The following RNF149 variants were observed in gnomAD, a reference collection of about 807,000 sequenced individuals.
RNF149 encodes the protein E3 ubiquitin-protein ligase RNF149.
Under a neutral mutation model 39.0 loss-of-function variants are expected in RNF149, and 21 were observed. The ratio of observed to expected loss-of-function variants is 0.54; its 90% CI spans 0.38 to 0.77. RNF149 has a LOEUF of 0.77. Among genes scored for constraint, RNF149 ranks in the 30% least tolerant of loss-of-function variants. The pLI, the probability that RNF149 is intolerant of heterozygous loss-of-function variation, is 0.00. For synonymous variants in RNF149, 209 were observed against 213.6 expected, an observed-to-expected ratio of 0.98 and a Z score of 0.19; for missense variants, 493 against 534.9, an observed-to-expected ratio of 0.92 and a Z score of 0.77.
At position 101,307,827 on chromosome 2, in the gene RNF149, T is replaced by C. The variant is rs75565834; in HGVS notation, c.460+302A>G. The C allele has an allele frequency of 2.9e-4, 286 of 980,416 alleles. 1 individual carries two copies. In the African/African-American group the frequency reaches 4.7e-3, roughly 16 times the overall value. The allele number at this position is 980,416 out of a possible 1,614,324, so 60.7% of individuals were successfully genotyped here. On this transcript the variant is annotated intron_variant, in intron 1 of 6. Transcript: ENST00000295317. Reference sequence around the variant, plus strand: ...AAAAGAGGCCCATGATTAGGAATCATGAGATTTCCTCACCTGTTAGAACCA... The same window carrying C: ...AAAAGAGGCCCATGATTAGGAATCACGAGATTTCCTCACCTGTTAGAACCA...
chr2:101,308,559 G>A lies in RNF149; in HGVS notation c.30C>T (p.Val10=), dbSNP rs1294869745. The part of the protein sequence containing the change: MAWRRREAS[V]GARGVLALAL... The stretch of plus-strand genomic sequence containing the variant: ...CCAGAGCCAACACGCCGCGAGCCCC[G>A]ACGCTGGCTTCGCGCCGCCGCCACG... Residue 10 remains valine, a synonymous_variant, in exon 1 of 7, where the codon GTC becomes GTT. Transcript: ENST00000295317. 5 of 1,583,476 alleles carry A rather than the reference G, an allele frequency of 3.2e-6. No homozygotes were observed. The highest frequency in any genetic ancestry group is 1.4e-5 in the African/African-American group (1 of 72,526).
At chr2:101,301,798 TTCTGGATGACATGAG>T (rs1219883857) in intron 1 of RNF149, among the ~76,000 whole-genome samples, 4 of 152,254 alleles carry the variant, frequency 2.6e-5, no homozygotes, top group Non-Finnish European at 5.9e-5. Flanking sequence ...TTTAAAATTC[TTCTGGATGACATGAG>T]TCTAGTGTAC....
At chr2:101,273,683 G>A (rs115889826), downstream of RNF149, among the ~76,000 whole-genome samples, 5 of 151,698 alleles carry the variant, frequency 3.3e-5, no homozygotes, top group African/African-American at 1.2e-4. Context: ...TTGTTGCCTA[G>A]GCTAGTCTTG....
intron 3 of RNF149, among the ~76,000 whole-genome samples, chr2:101,289,982 C>T (rs1346555976): frequency 6.6e-6 from 1 of 152,064 alleles, no homozygotes; most frequent in East Asian, 1.9e-4. Flanking sequence ...GAGATCGAGA[C>T]CATCCTGGCC....
chr2:101,298,077 C>G (rs890723360), intron 1 of RNF149, among the ~76,000 whole-genome samples: 2 of 152,168 alleles, frequency 1.3e-5, no homozygotes, highest in Non-Finnish European at 2.9e-5. Context: ...ATCTCTTTGG[C>G]CCAGCAATTC....
At chr2:101,287,968 A>G (rs1682858715) in intron 4 of RNF149, among the ~76,000 whole-genome samples, 1 of 152,138 alleles carries the variant, frequency 6.6e-6, no homozygotes, top group Non-Finnish European at 1.5e-5. Flanking sequence ...TTAGCAAAGC[A>G]ATTCTTTTAA....
At chr2:101,286,224 A>G in intron 4 of RNF149, 47 bp from the exon 5 acceptor site, 1 of 1,122,526 alleles carries the variant, frequency 8.9e-7, no homozygotes, top group Non-Finnish European at 1.3e-6. Context: ...CAATGTTTAT[A>G]TAACTTATAA....
intron 3 of RNF149, 115 bp from the exon 4 acceptor site, chr2:101,289,170 G>T: frequency 1.6e-6 from 1 of 616,398 alleles, no homozygotes; most frequent in Non-Finnish European, 2.9e-6. Flanking sequence ...TGGTACAACC[G>T]GTGAAATTAA....
chr2:101,304,303 G>A (rs138881716), intron 1 of RNF149, among the ~76,000 whole-genome samples: 199 of 152,258 alleles, frequency 1.3e-3, no homozygotes, highest in African/African-American at 4.6e-3. Context: ...AGGCTGAGGT[G>A]AGAGGATCAC....
chr2:101,294,285 AC>A (rs1320193133), intron 2 of RNF149: 1 of 448,632 alleles, frequency 2.2e-6, no homozygotes, highest in East Asian at 3.9e-5. Flanking sequence ...CCCCCTAACA[AC>A]AAAAGCCATT....
At position 101,281,889 on chromosome 2, in the gene RNF149, C is replaced by T; in HGVS notation, c.1129G>A (p.Gly377Arg). ...AATGCCGTATTTTCTCCTGCATCTC[C>T]TTTAAAGCTGGGATCACACTGTGGC... Reference protein sequence around the residue: ...SEPQCDPSFKGDAGENTALLE... With the variant: ...SEPQCDPSFKRDAGENTALLE... The change falls in exon 6 of 7, where the codon GGA becomes AGA. Residue 377 changes from glycine to arginine, a missense_variant. Gly to Arg is a moderately radical substitution (Grantham distance 125). Transcript: ENST00000295317. The T allele has an allele frequency of 6.2e-7, 1 of 1,614,106 alleles. No homozygotes were observed. The highest frequency in any genetic ancestry group is 8.5e-7 in the Non-Finnish European group (1 of 1,180,026).
intron 1 of RNF149, among the ~76,000 whole-genome samples, chr2:101,301,027 C>G (rs1257457296): frequency 6.6e-6 from 1 of 152,178 alleles, no homozygotes; most frequent in Non-Finnish European, 1.5e-5. Flanking sequence ...CAGCTTATTT[C>G]CAAACTAAAT....
intron 1 of RNF149, among the ~76,000 whole-genome samples, chr2:101,301,121 T>C (rs1340819233): frequency 6.6e-6 from 1 of 152,190 alleles, no homozygotes; most frequent in African/African-American, 2.4e-5. Context: ...TCCTTAGGCC[T>C]TAACGTTGTT....
In RNF149 at chr2:101,308,662, G is replaced by C; in HGVS notation, c.-74C>G. The C allele has an allele frequency of 7.5e-7, 1 of 1,325,116 alleles. No homozygotes were observed. The highest frequency in any genetic ancestry group is 9.9e-7 in the Non-Finnish European group (1 of 1,012,038). 82.1% of individuals were successfully genotyped at this position (1,325,116 alleles called of 1,614,324 possible). On this transcript the variant is annotated 5_prime_UTR_variant, in exon 1 of 7. Coordinates refer to ENST00000295317, the MANE Select transcript of RNF149 (RefSeq NM_173647.4). The stretch of plus-strand genomic sequence containing the variant: ...CGGTGCAGTCGAAGAGCAGAGAGAA[G>C]CGGACACCCACCGCCGCCCTGGAAG...
intron 5 of RNF149, among the ~76,000 whole-genome samples, chr2:101,285,185 A>G (rs537167747): frequency 6.6e-6 from 1 of 152,330 alleles, no homozygotes; most frequent in Admixed American, 6.5e-5. Context: ...GGTATGAGCC[A>G]CCAAGTCCAG....
chr2:101,304,674 G>T (rs1427994306), intron 1 of RNF149, among the ~76,000 whole-genome samples: 1 of 152,032 alleles, frequency 6.6e-6, no homozygotes, highest in East Asian at 1.9e-4. Context: ...AGTCCTTACA[G>T]TTGTTCAGAC....
downstream of RNF149, among the ~76,000 whole-genome samples, chr2:101,273,785 A>C (rs1682228790): frequency 6.6e-6 from 1 of 151,924 alleles, no homozygotes; most frequent in Admixed American, 6.6e-5. Flanking sequence ...TCACTTCTTT[A>C]TCATGTTAAT....
chr2:101,300,174 G>A (rs890023143), intron 1 of RNF149, among the ~76,000 whole-genome samples: 3 of 152,136 alleles, frequency 2.0e-5, no homozygotes, highest in African/African-American at 4.8e-5. Flanking sequence ...ACATCTCAAA[G>A]GAGACAAAAA....
intron 5 of RNF149, 76 bp downstream of exon 5, chr2:101,286,005 T>C (rs1682778948): frequency 1.2e-6 from 1 of 844,450 alleles, no homozygotes; most frequent in Admixed American, 2.1e-5. Context: ...TTCCTCTTGT[T>C]TCTAGTCAAT....
Sources: allele counts gnomAD v4.1 joint callset (sites outside exome capture counted in the v4.1 genomes callset), GRCh38; gene constraint gnomAD v4.1.1; transcripts MANE v1.5; gene names NCBI Gene and HGNC (gene_info 2026-07-23, HGNC 2026-07-21).